The following SOCS6 variants were observed in gnomAD, a reference collection of about 807,000 sequenced individuals.
SOCS6 encodes the protein STAT induced STAT inhibitor-4.
SOCS6 carries 5 observed loss-of-function variants against 27.7 expected under a neutral mutation model. That is an observed-to-expected ratio of 0.18 (90% CI 0.09 to 0.38). SOCS6 has a LOEUF of 0.38. Among genes scored for constraint, SOCS6 ranks in the 10% least tolerant of loss-of-function variants. The probability of loss-of-function intolerance (pLI) is 1.00; values close to 1 mark genes in which losing one functional copy is unlikely to be tolerated. For missense variants in SOCS6, 595 were observed against 688.1 expected, an observed-to-expected ratio of 0.86 and a Z score of 1.51; for synonymous variants, 271 against 260.0, an observed-to-expected ratio of 1.04 and a Z score of -0.41.
intron 1 of SOCS6, among the ~76,000 whole-genome samples, chr18:70,299,214 C>T (rs889798772): frequency 9.2e-5 from 14 of 152,140 alleles, no homozygotes; most frequent in African/African-American, 3.1e-4. Context: ...GGGCTGAGTC[C>T]CATGAGACTG....
At position 70,326,288 on chromosome 18, in the gene SOCS6, C is replaced by T. The variant is rs180919111; in HGVS notation, c.*12C>T. ...AGAAGCACTACTGAAAGATTGAGAA[C>T]CCTGCATCTTGCACTTTGGGAATAA... On this transcript the variant is annotated 3_prime_UTR_variant, in exon 2 of 2. Transcript: ENST00000397942. 7.7e-5 allele frequency: 122 copies of T among 1,591,076 alleles called. No homozygotes were observed. The Admixed American group carries it at 2.1e-3, about 28-fold the overall frequency.
intron 1 of SOCS6, among the ~76,000 whole-genome samples, chr18:70,296,910 T>C (rs887981068): frequency 2.2e-5 from 3 of 133,486 alleles, no homozygotes; most frequent in African/African-American, 6.3e-5. Flanking sequence ...TTCTTTCTTT[T>C]TTTTTTTTCT....
rs1437576472 is a variant in SOCS6 at position 70,326,849 on chromosome 18, C to T, written c.*573C>T. On this transcript the variant is annotated 3_prime_UTR_variant, in exon 2 of 2. Coordinates refer to ENST00000397942, the MANE Select transcript of SOCS6 (RefSeq NM_004232.4). ...TGGGTAATGGAACGGAGATCTGCAA[C>T]ATATCTTTTAACAACACTTTTTTCT... 4.8e-5 allele frequency: 8 copies of T among 166,994 alleles called. No homozygotes were observed. In the Admixed American group the frequency reaches 5.2e-4, roughly 11 times the overall value. 10.3% of individuals were successfully genotyped at this position (166,994 alleles called of 1,614,324 possible). A position where few individuals can be genotyped will look rare whatever the true frequency, so the allele number is the denominator to read the frequency against.
chr18:70,303,157 G>A (rs887212281), intron 1 of SOCS6, among the ~76,000 whole-genome samples: 2 of 152,124 alleles, frequency 1.3e-5, no homozygotes, highest in African/African-American at 4.8e-5. Context: ...TTCTTTCTAT[G>A]TAATTGAACC....
intron 1 of SOCS6, among the ~76,000 whole-genome samples, chr18:70,290,512 T>G (rs1317801062): frequency 6.6e-6 from 1 of 152,208 alleles, no homozygotes; most frequent in Admixed American, 6.5e-5. Flanking sequence ...TAATTTCTCC[T>G]CCTAGTGGGT....
At position 70,325,807 on chromosome 18, in the gene SOCS6, C is replaced by A; in HGVS notation, c.1139C>A (p.Ala380Glu). The A allele has an allele frequency of 6.2e-7, 1 of 1,614,200 alleles. No individual in the cohort carries two copies. Among genetic ancestry groups the A allele is most frequent in the Non-Finnish European group, 8.5e-7 (1 of 1,180,020 alleles). The part of the protein sequence containing the change: ...TSLTEELKKL[A>E]KQGWYWGPIT... ...CTTACAGAGGAGCTGAAAAAACTTG[C>A]AAAGCAAGGATGGTACTGGGGACCA... Residue 380 changes from alanine to glutamate, a missense_variant, in exon 2 of 2, where the codon GCA (alanine) becomes GAA (glutamate). By Grantham distance (107) the Ala-to-Glu change is moderately radical. Coordinates refer to ENST00000397942, the MANE Select transcript of SOCS6 (RefSeq NM_004232.4). The surrounding 1 kb of genome is among the most constrained non-coding windows in gnomAD (Gnocchi z 6.3).
At chr18:70,309,247 A>G (rs1184716622) in intron 1 of SOCS6, among the ~76,000 whole-genome samples, 1 of 152,162 alleles carries the variant, frequency 6.6e-6, no homozygotes, top group Non-Finnish European at 1.5e-5. Flanking sequence ...TTTATCATTA[A>G]ATAATAAAAA....
At chr18:70,295,428 A>C (rs1169094688) in intron 1 of SOCS6, among the ~76,000 whole-genome samples, 1 of 152,180 alleles carries the variant, frequency 6.6e-6, no homozygotes, top group East Asian at 1.9e-4. Context: ...AGTCAGATGA[A>C]TTCTTACTGG....
intron 1 of SOCS6, among the ~76,000 whole-genome samples, chr18:70,299,561 G>T (rs764654611): frequency 1.3e-5 from 2 of 152,206 alleles, no homozygotes; most frequent in East Asian, 3.9e-4. Context: ...GGATAGGGAC[G>T]GGGGGTCGGT....
intron 1 of SOCS6, among the ~76,000 whole-genome samples, chr18:70,321,576 C>T (rs551776450): frequency 1.3e-4 from 19 of 150,302 alleles, no homozygotes; most frequent in East Asian, 5.9e-4. Context: ...TCAGGTGATC[C>T]GCCTCGGCCT....
chr18:70,316,274 C>T (rs189236637), intron 1 of SOCS6, among the ~76,000 whole-genome samples: 202 of 151,994 alleles, frequency 1.3e-3, no homozygotes, highest in Admixed American at 5.3e-3. Context: ...GTCCTATTTA[C>T]TTTTATTGCC....
At chr18:70,320,611 C>T (rs924045881) in intron 1 of SOCS6, among the ~76,000 whole-genome samples, 3 of 152,052 alleles carry the variant, frequency 2.0e-5, no homozygotes, top group Non-Finnish European at 2.9e-5. Flanking sequence ...CAATATTTTG[C>T]TATAATTGTT....
rs776049841 is a variant in SOCS6, at chr18:70,326,008, A to G, written c.1340A>G (p.Asp447Gly). 1.2e-6 allele frequency: 2 copies of G among 1,614,240 alleles called. No homozygotes were observed. The highest frequency in any genetic ancestry group is 1.7e-6 in the Non-Finnish European group (2 of 1,180,032). The change falls in exon 2 of 2, where the codon GAT becomes GGT. Residue 447 changes from aspartate to glycine, a missense_variant. By Grantham distance (94) the Asp-to-Gly change is moderately conservative. Coordinates refer to ENST00000397942, the MANE Select transcript of SOCS6 (RefSeq NM_004232.4). The part of the protein sequence containing the change: ...NGRFSFYEQP[D>G]VEGHTSIVDL... ...AGGTTTAGCTTTTATGAACAGCCAG[A>G]TGTGGAAGGACATACGTCCATAGTT... is the stretch of plus-strand genomic sequence containing the variant.
Position 70,326,118 on chromosome 18 carries a change from C to A in SOCS6, c.1450C>A (p.Pro484Thr). Reference sequence around the variant, plus strand: ...TCGGCTGCCTGGATCTGCAACTTACCCCGTCAGACTGACCAACCCAGTGTC... The same window carrying A: ...TCGGCTGCCTGGATCTGCAACTTACACCGTCAGACTGACCAACCCAGTGTC... The part of the protein sequence containing the change: ...RSRLPGSATY[P>T]VRLTNPVSRF... Residue 484 changes from proline (P) to threonine (T), a missense_variant, in exon 2 of 2, where the codon CCC (proline) becomes ACC (threonine). This residue lies in a region of SOCS6 where 128 missense variants were observed against 207.0 expected (regional missense o/e 0.62). Transcript: ENST00000397942. The A allele has an allele frequency of 6.2e-7, 1 of 1,614,142 alleles. No individual in the cohort carries two copies. The highest frequency in any genetic ancestry group is 8.5e-7 in the Non-Finnish European group (1 of 1,180,014).
intron 1 of SOCS6, among the ~76,000 whole-genome samples, chr18:70,316,929 G>A (rs566458650): frequency 1.1e-3 from 160 of 152,068 alleles, no homozygotes; most frequent in Non-Finnish European, 1.9e-3. Flanking sequence ...AATATGTCTA[G>A]GATTTCTAGT....
At position 70,324,609 on chromosome 18, in the gene SOCS6, T is replaced by G; in HGVS notation, c.-60T>G. 11 of 1,142,516 alleles carry G rather than the reference T, an allele frequency of 9.6e-6. No homozygotes were observed. Among genetic ancestry groups the G allele is most frequent in the Non-Finnish European group, 1.4e-5 (11 of 794,206 alleles). The allele number at this position is 1,142,516 out of a possible 1,614,324, so 70.8% of individuals were successfully genotyped here. On this transcript the variant is annotated 5_prime_UTR_variant, in exon 2 of 2. The change abolishes an upstream ATG in the 5' untranslated region. Coordinates refer to ENST00000397942, the MANE Select transcript of SOCS6 (RefSeq NM_004232.4). ...GATGCAGCCTTGCAGCCTCTCCAGA[T>G]GTTTGGGGATAATATTCCAGATAGA...
rs74583835 is a variant in SOCS6, at chr18:70,308,825, C to T, written c.-126-15718C>T. Among the ~76,000 whole-genome samples the T allele has an allele frequency of 4.6e-4, 70 of 151,946 alleles. No homozygotes were observed. The East Asian group carries it at 0.013, about 28-fold the overall frequency. Reference sequence around the variant, plus strand: ...TCATTTTGAAATGCCCCTTTTTGCCCCTGGTAATACTAAAAGTCTATTTTG... The same window carrying T: ...TCATTTTGAAATGCCCCTTTTTGCCTCTGGTAATACTAAAAGTCTATTTTG... On this transcript the variant is annotated intron_variant, in intron 1 of 1. Coordinates refer to ENST00000397942, the MANE Select transcript of SOCS6 (RefSeq NM_004232.4).
chr18:70,305,312 T>C (rs911241210), intron 1 of SOCS6, among the ~76,000 whole-genome samples: 3 of 152,280 alleles, frequency 2.0e-5, no homozygotes, highest in African/African-American at 7.2e-5. Context: ...GTTTACATTT[T>C]TGTTTTTAGT....
chr18:70,316,563 T>C (rs1600163351), intron 1 of SOCS6, among the ~76,000 whole-genome samples: 1 of 152,326 alleles, frequency 6.6e-6, no homozygotes, highest in East Asian at 1.9e-4. Flanking sequence ...CATTATATTA[T>C]GAATTATACT....
Sources: gnomAD v4.1 joint callset for allele counts (sites outside exome capture counted in the v4.1 genomes callset) on GRCh38, gnomAD v4.1.1 for gene constraint, gnomAD v4.1.1 regional missense constraint, Gnocchi (gnomAD v3.1) non-coding constraint, MANE v1.5 for transcripts, NCBI Gene and HGNC (gene_info 2026-07-23, HGNC 2026-07-21) for gene names.